Variants in PCDHGA4 observed in about 807,000 individuals in gnomAD.
PCDHGA4 encodes protocadherin gamma-A4.
A neutral mutation model predicts 54.6 loss-of-function variants in PCDHGA4; 38 were observed. The ratio of observed to expected loss-of-function variants is 0.70; its 90% CI spans 0.54 to 0.91. The LOEUF is 0.91. Among genes scored for constraint, PCDHGA4 ranks in the 40% least tolerant of loss-of-function variants. The probability of loss-of-function intolerance (pLI) is 0.00; values close to 1 mark genes in which losing one functional copy is unlikely to be tolerated. For missense variants in PCDHGA4, 1,298 were observed against 1,220.9 expected, an observed-to-expected ratio of 1.06 and a Z score of -0.94; for synonymous variants, 511 against 512.9, an observed-to-expected ratio of 1.00 and a Z score of 0.05.
chr5:141,486,371 G>T lies in PCDHGA4; in HGVS notation c.2515-8436G>T. 1.9e-6 allele frequency: 3 copies of T among 1,614,138 alleles called. No homozygotes were observed. The highest frequency in any genetic ancestry group is 2.5e-6 in the Non-Finnish European group (3 of 1,180,010). On this transcript the variant is annotated intron_variant, in intron 1 of 3. Coordinates refer to ENST00000571252, the MANE Select transcript of PCDHGA4 (RefSeq NM_018917.4). The surrounding 1 kb of genome is among the most constrained non-coding windows in gnomAD (Gnocchi z 5.0). ...CCACTTGCCATTTGCCCTCAAGTCT[G>T]CCTTCAGGAACCAGTTCTCCCTGGT...
chr5:141,389,618 C>T (rs1224398489), intron 1 of PCDHGA4: 46 of 1,612,930 alleles, frequency 2.9e-5, no homozygotes, highest in Middle Eastern at 1.7e-4. Flanking sequence ...TGGTGCCGCA[C>T]GCTGCAGAGC....
At chr5:141,438,159 T>TA (rs974013542) in intron 1 of PCDHGA4, among the ~76,000 whole-genome samples, 44 of 152,258 alleles carry the variant, frequency 2.9e-4, no homozygotes, top group African/African-American at 9.9e-4. Context: ...ATGGCAAAGC[T>TA]AATTGGAAAA....
chr5:141,460,553 C>A (rs2098991893), intron 1 of PCDHGA4, among the ~76,000 whole-genome samples: 1 of 152,032 alleles, frequency 6.6e-6, no homozygotes. Context: ...AATCAAAAAT[C>A]ATTTGGCCAT....
rs187488785 is a variant in PCDHGA4 at position 141,461,744 on chromosome 5, C to T, written c.2515-33063C>T. 5.9e-5 allele frequency among the ~76,000 whole-genome samples: 9 copies of T among 152,302 alleles called. No individual in the cohort carries two copies. The East Asian group carries it at 1.7e-3, about 29-fold the overall frequency. On this transcript the variant is annotated intron_variant, in intron 1 of 3. Transcript: ENST00000571252. ...GGAGTGCAGTGGCACAATCCCGGCT[C>T]CCAGATTCAAGCGATTCTCCTGCCT...
intron 1 of PCDHGA4, chr5:141,362,523 T>G: frequency 6.2e-7 from 1 of 1,614,040 alleles, no homozygotes; most frequent in Non-Finnish European, 8.5e-7. Context: ...ATGGAGCCGC[T>G]GGGGTCCCTT....
Position 141,431,473 on chromosome 5 carries a change from C to A in PCDHGA4, c.2515-63334C>A, listed in dbSNP as rs750300971. 16 of 1,613,714 alleles carry A rather than the reference C, an allele frequency of 9.9e-6. 1 individual carries two copies. The highest frequency in any genetic ancestry group is 9.3e-5 in the African/African-American group (7 of 74,948). On this transcript the variant is annotated intron_variant, in intron 1 of 3. Transcript: ENST00000571252. This position sits in a 1 kb window ranked among gnomAD's most constrained non-coding sequence, Gnocchi z 4.8. Reference sequence around the variant, plus strand: ...TGATGGTTCTGGATGCGAACGACAACGCACCAGCGTTTGCTCAGCCCGAGT... The same window carrying A: ...TGATGGTTCTGGATGCGAACGACAAAGCACCAGCGTTTGCTCAGCCCGAGT...
rs376468685 is a variant in PCDHGA4 at position 141,357,329 on chromosome 5, T to C, written c.2222T>C (p.Val741Ala). The change falls in exon 1 of 4, where the codon GTG becomes GCG. Residue 741 changes from valine (V) to alanine (A), a missense_variant. Transcript: ENST00000571252. ...TGCGTCTTCCTGGCTTTTGTCACGG[T>C]GCTGCTAGCACTCAAGCTGAGACGC... is the stretch of plus-strand genomic sequence containing the variant. ...VSCVFLAFVT[V>A]LLALKLRRWH... The C allele has an allele frequency of 6.2e-7, 1 of 1,614,000 alleles. No individual in the cohort carries two copies. The highest frequency in any genetic ancestry group is 1.7e-5 in the Admixed American group (1 of 60,008).
At chr5:141,447,829 T>A (rs2098552664) in intron 1 of PCDHGA4, among the ~76,000 whole-genome samples, 1 of 152,214 alleles carries the variant, frequency 6.6e-6, no homozygotes. Context: ...CTCACGCCTG[T>A]AATCCCAGTG....
chr5:141,383,387 G>A lies in PCDHGA4; in HGVS notation c.2514+25766G>A, dbSNP rs1779095569. ...AGCGAGGCTGGGGATCCAGATGTGG[G>A]CACGAACTCCCTCCAGAGTTACCAG... is the stretch of plus-strand genomic sequence containing the variant. On this transcript the variant is annotated intron_variant, in intron 1 of 3. Coordinates refer to ENST00000571252, the MANE Select transcript of PCDHGA4 (RefSeq NM_018917.4). 3.7e-6 allele frequency: 6 copies of A among 1,614,010 alleles called. No individual in the cohort carries two copies. The East Asian group carries it at 1.3e-4, about 36-fold the overall frequency.
chr5:141,476,267 G>T lies in PCDHGA4; in HGVS notation c.2515-18540G>T, dbSNP rs373758158. 15 of 1,614,056 alleles carry T rather than the reference G, an allele frequency of 9.3e-6. No homozygotes were observed. In the South Asian group the frequency reaches 1.6e-4, roughly 18 times the overall value. On this transcript the variant is annotated intron_variant, in intron 1 of 3. Transcript: ENST00000571252. This position sits in a 1 kb window ranked among gnomAD's most constrained non-coding sequence, Gnocchi z 7.6. ...GAAGGGTTTCGCTGTGGGCAACGTGGTCGCGAACCTTGGTTTGGATCTCGG... is the reference window on the plus strand; with the variant it reads ...GAAGGGTTTCGCTGTGGGCAACGTGTTCGCGAACCTTGGTTTGGATCTCGG...
At chr5:141,502,234 C>T (rs1482411915) in intron 2 of PCDHGA4, among the ~76,000 whole-genome samples, 1 of 152,108 alleles carries the variant, frequency 6.6e-6, no homozygotes, top group Non-Finnish European at 1.5e-5. Flanking sequence ...TCTGTGTGTT[C>T]TTTTATCCTT....
At chr5:141,454,019 A>G (rs905033407) in intron 1 of PCDHGA4, among the ~76,000 whole-genome samples, 1 of 152,262 alleles carries the variant, frequency 6.6e-6, no homozygotes, top group African/African-American at 2.4e-5. Flanking sequence ...AGAAAAATGT[A>G]TTAAGAATTG....
At chr5:141,414,316 G>T (rs2095734692) in intron 1 of PCDHGA4, 1 of 1,613,682 alleles carries the variant, frequency 6.2e-7, no homozygotes, top group Admixed American at 1.7e-5. Flanking sequence ...TTTAGACTCT[G>T]AGCAGAATGG....
In PCDHGA4 at chr5:141,485,031, C is replaced by A; in HGVS notation, c.2515-9776C>A. On this transcript the variant is annotated intron_variant, in intron 1 of 3. Coordinates refer to ENST00000571252, the MANE Select transcript of PCDHGA4 (RefSeq NM_018917.4). The surrounding 1 kb of genome is among the most constrained non-coding windows in gnomAD (Gnocchi z 5.7). Reference sequence around the variant, plus strand: ...TACCCCGCCACCAGCAAAAACGGCGCGTAACCCTTGCGGCGCCGGCCGAAC... The same window carrying A: ...TACCCCGCCACCAGCAAAAACGGCGAGTAACCCTTGCGGCGCCGGCCGAAC... The A allele has an allele frequency of 1.5e-6, 1 of 680,514 alleles. No homozygotes were observed. Among genetic ancestry groups the A allele is most frequent in the South Asian group, 1.8e-5 (1 of 54,868 alleles). 42.2% of individuals were successfully genotyped at this position (680,514 alleles called of 1,614,324 possible). A position where few individuals can be genotyped will look rare whatever the true frequency, so the allele number is the denominator to read the frequency against.
chr5:141,484,333 A>T (rs1019527273), intron 1 of PCDHGA4, among the ~76,000 whole-genome samples: 2 of 152,198 alleles, frequency 1.3e-5, no homozygotes, highest in Non-Finnish European at 2.9e-5. Flanking sequence ...CCTTGAAATC[A>T]ATGAATGGTA....
intron 1 of PCDHGA4, chr5:141,427,874 G>A: frequency 1.3e-6 from 2 of 1,560,274 alleles, no homozygotes; most frequent in South Asian, 2.2e-5. Flanking sequence ...AGCTCACGAT[G>A]CAGGCCCACG....
intron 1 of PCDHGA4, chr5:141,417,908 C>G (rs1255727429): frequency 6.3e-7 from 1 of 1,597,500 alleles, no homozygotes; most frequent in Non-Finnish European, 8.5e-7. Context: ...GCGGCAGGTA[C>G]TATTTCCTTT....
rs372994272 is a variant in PCDHGA4, at chr5:141,485,358, G to C, written c.2515-9449G>C. On this transcript the variant is annotated intron_variant, in intron 1 of 3. Coordinates refer to ENST00000571252, the MANE Select transcript of PCDHGA4 (RefSeq NM_018917.4). This position sits in a 1 kb window ranked among gnomAD's most constrained non-coding sequence, Gnocchi z 5.7. ...CTGGATACGGACAGTCTGTCAGCTC[G>C]CAGGCTGCAGGTCGCTGGAGAGGTG... is the stretch of plus-strand genomic sequence containing the variant. 3.1e-6 allele frequency: 5 copies of C among 1,613,982 alleles called. No homozygotes were observed. Among genetic ancestry groups the C allele is most frequent in the Non-Finnish European group, 4.2e-6 (5 of 1,180,014 alleles).
At chr5:141,422,729 C>G (rs1352451042) in intron 1 of PCDHGA4, 1 of 1,606,960 alleles carries the variant, frequency 6.2e-7, no homozygotes, top group South Asian at 1.1e-5. Flanking sequence ...CAGGGGGTGC[C>G]TCTGTCCTCC....
Sources: gnomAD v4.1 joint callset for allele counts (sites outside exome capture counted in the v4.1 genomes callset) on GRCh38, gnomAD v4.1.1 for gene constraint, Gnocchi (gnomAD v3.1) non-coding constraint, MANE v1.5 for transcripts, NCBI Gene and HGNC (gene_info 2026-07-23, HGNC 2026-07-21) for gene names.